Variants in RANBP2 observed in about 807,000 individuals in gnomAD.
RANBP2 encodes the protein E3 SUMO-protein ligase RanBP2.
Under a neutral mutation model 303.6 loss-of-function variants are expected in RANBP2, and 57 were observed. The ratio of observed to expected loss-of-function variants is 0.19; its 90% CI spans 0.15 to 0.23. The LOEUF is 0.23. RANBP2 is among the 10% of genes least tolerant of loss of function. RANBP2 has a pLI of 1.00. For missense variants in RANBP2, 3,138 were observed against 3,780.8 expected, an observed-to-expected ratio of 0.83 and a Z score of 4.46; for synonymous variants, 1,167 against 1,301.5, an observed-to-expected ratio of 0.90 and a Z score of 2.23.
the RANBP2 span, among the ~76,000 whole-genome samples, chr2:109,262,869 G>C: frequency 6.6e-6 from 1 of 151,820 alleles, no homozygotes; most frequent in African/African-American, 2.4e-5. Context: ...GTCTTCCTCT[G>C]TTGTCCAGGC....
the RANBP2 span, among the ~76,000 whole-genome samples, chr2:109,328,023 ACTTTTT>A: frequency 6.6e-6 from 1 of 152,292 alleles, no homozygotes; most frequent in East Asian, 1.9e-4. Flanking sequence ...ATGTCCCTCC[ACTTTTT>A]TTGTTTTTTG....
At chr2:109,048,801 G>T in the RANBP2 span, among the ~76,000 whole-genome samples, 2 of 152,144 alleles carry the variant, frequency 1.3e-5, no homozygotes, top group Admixed American at 1.3e-4. Flanking sequence ...CATTTTTAGA[G>T]CAGGAGCAAG....
chr2:109,482,966 A>G, the RANBP2 span, among the ~76,000 whole-genome samples: 1 of 152,244 alleles, frequency 6.6e-6, no homozygotes, highest in African/African-American at 2.4e-5. Flanking sequence ...TGTTTAAAAT[A>G]CCCAATAGCT....
chr2:109,406,782 G>A, the RANBP2 span, among the ~76,000 whole-genome samples: 2 of 151,952 alleles, frequency 1.3e-5, no homozygotes, highest in Admixed American at 1.3e-4. Context: ...ACCATAGCAG[G>A]GGCAGAAATG....
the RANBP2 span, among the ~76,000 whole-genome samples, chr2:109,625,087 C>CAAAAA: frequency 2.1e-3 from 127 of 59,596 alleles, no homozygotes; most frequent in Middle Eastern, 0.016. Flanking sequence ...ACAACAACAA[C>CAAAAA]AAAAAAAAAA....
chr2:109,123,065 T>C, the RANBP2 span, among the ~76,000 whole-genome samples: 1 of 152,192 alleles, frequency 6.6e-6, no homozygotes, highest in Non-Finnish European at 1.5e-5. Context: ...AGCCCACAGT[T>C]GTGCCTGACA....
the RANBP2 span, among the ~76,000 whole-genome samples, chr2:109,624,549 A>G: frequency 2.0e-5 from 3 of 152,162 alleles, no homozygotes; most frequent in African/African-American, 7.2e-5. Context: ...GGAGGTAATG[A>G]ATAGTCTAGA....
At chr2:109,736,349 T>C in the RANBP2 span, among the ~76,000 whole-genome samples, 1 of 152,212 alleles carries the variant, frequency 6.6e-6, no homozygotes, top group African/African-American at 2.4e-5. Context: ...TTCTTTGGCA[T>C]GGGAGGCTTC....
At chr2:109,394,269 A>G in the RANBP2 span, among the ~76,000 whole-genome samples, 1,109 of 152,382 alleles carry the variant, frequency 7.3e-3, 13 homozygotes, top group East Asian at 0.052. Flanking sequence ...CTGAGCCAGC[A>G]GGCAGCCACT....
chr2:109,472,135 A>G, the RANBP2 span, among the ~76,000 whole-genome samples: 1 of 152,252 alleles, frequency 6.6e-6, no homozygotes, highest in Non-Finnish European at 1.5e-5. Flanking sequence ...AATATGATTA[A>G]CAACCACCTG....
chr2:108,986,590 T>C, the RANBP2 span, among the ~76,000 whole-genome samples: 3 of 152,118 alleles, frequency 2.0e-5, no homozygotes, highest in African/African-American at 4.8e-5. Flanking sequence ...CCCATAATCA[T>C]TATGAGCTGT....
chr2:108,864,499 A>G, the RANBP2 span, among the ~76,000 whole-genome samples: 1 of 151,988 alleles, frequency 6.6e-6, no homozygotes, highest in Non-Finnish European at 1.5e-5. Context: ...CCATCTCTAC[A>G]AAAAAATTAA....
At chr2:109,215,182 T>C in the RANBP2 span, among the ~76,000 whole-genome samples, 2 of 152,210 alleles carry the variant, frequency 1.3e-5, no homozygotes, top group Non-Finnish European at 2.9e-5. Context: ...TGCTCAATTA[T>C]GGAATAAGAA....
At chr2:109,496,740 A>C in the RANBP2 span, among the ~76,000 whole-genome samples, 2 of 152,004 alleles carry the variant, frequency 1.3e-5, no homozygotes, top group African/African-American at 4.8e-5. Context: ...TCTATGCCCT[A>C]AACCCTAAAA....
the RANBP2 span, among the ~76,000 whole-genome samples, chr2:109,076,533 T>A: frequency 0.45 from 67,720 of 149,624 alleles, 17,357 homozygotes; most frequent in Non-Finnish European, 0.49. Context: ...AAAAATCAGA[T>A]CTGATAAGTT....
At chr2:108,802,843 T>C in the RANBP2 span, among the ~76,000 whole-genome samples, 3 of 152,056 alleles carry the variant, frequency 2.0e-5, no homozygotes, top group African/African-American at 7.2e-5. Context: ...GCATGAAGGG[T>C]TGTTGAATTT....
the RANBP2 span, among the ~76,000 whole-genome samples, chr2:109,652,227 G>GTTT: frequency 3.5e-5 from 5 of 144,310 alleles, no homozygotes; most frequent in African/African-American, 1.0e-4. Context: ...ATTTTTGTTT[G>GTTT]TTTTTTTTTT....
the RANBP2 span, among the ~76,000 whole-genome samples, chr2:109,156,629 A>G: frequency 6.6e-6 from 1 of 152,088 alleles, no homozygotes; most frequent in Admixed American, 6.5e-5. Context: ...TATTTTTAGT[A>G]GAGATGGGGT....
At chr2:108,786,945 G>A, downstream of RANBP2, 1 of 1,443,604 alleles carries the variant, frequency 6.9e-7, no homozygotes, top group South Asian at 1.3e-5. Context: ...TCCGCGGGTG[G>A]GCTCCTGCTG....
Sources: gnomAD v4.1 joint callset for allele counts (sites outside exome capture counted in the v4.1 genomes callset) on GRCh38, gnomAD v4.1.1 for gene constraint, MANE v1.5 for transcripts, NCBI Gene and HGNC (gene_info 2026-07-23, HGNC 2026-07-21) for gene names.